The following CAPZA1 variants were observed in gnomAD, a reference collection of about 807,000 sequenced individuals.
The protein encoded by CAPZA1 is F-actin-capping protein subunit alpha-1.
A neutral mutation model predicts 40.8 loss-of-function variants in CAPZA1; 10 were observed. That is an observed-to-expected ratio of 0.25 (90% CI 0.15 to 0.42). The LOEUF is 0.42. Among genes scored for constraint, CAPZA1 ranks in the 10% least tolerant of loss-of-function variants. The pLI is 1.00. For missense variants in CAPZA1, 277 were observed against 353.8 expected (o/e 0.78, Z 1.74); for synonymous variants, 98 against 115.0 (o/e 0.85, Z 0.95).
chr1:112,640,694 C>T (rs1033216846), intron 1 of CAPZA1, among the ~76,000 whole-genome samples: 1 of 152,232 alleles, frequency 6.6e-6, no homozygotes, highest in Non-Finnish European at 1.5e-5. Flanking sequence ...AGCCCCTCTG[C>T]CTGGCCACCG....
At chr1:112,633,315 C>T (rs1388342468) in intron 1 of CAPZA1, among the ~76,000 whole-genome samples, 3 of 151,646 alleles carry the variant, frequency 2.0e-5, no homozygotes, top group Non-Finnish European at 1.5e-5. Context: ...TTAGATTCTG[C>T]ATATCTTATA....
At chr1:112,661,305 T>C (rs1671602969) in intron 7 of CAPZA1, among the ~76,000 whole-genome samples, 3 of 152,258 alleles carry the variant, frequency 2.0e-5, no homozygotes, top group African/African-American at 7.2e-5. Context: ...CTCAGTGATA[T>C]GTAAGAGTTG....
intron 1 of CAPZA1, among the ~76,000 whole-genome samples, chr1:112,644,168 A>G (rs1218120930): frequency 9.2e-6 from 1 of 108,248 alleles, no homozygotes; most frequent in Non-Finnish European, 1.9e-5. Context: ...TTTTTTTTCT[A>G]ATTCTCTTCT....
intron 1 of CAPZA1, among the ~76,000 whole-genome samples, chr1:112,638,440 G>A (rs886581247): frequency 9.9e-5 from 15 of 151,920 alleles, no homozygotes; most frequent in East Asian, 3.9e-4. Context: ...TCAGCCTCCC[G>A]AGTAGCTGGG....
intron 1 of CAPZA1, among the ~76,000 whole-genome samples, chr1:112,639,991 CGCCCCGTCCGGG>C: frequency 8.1e-6 from 1 of 124,214 alleles, no homozygotes; most frequent in African/African-American, 3.0e-5. Flanking sequence ...CCCGGCCAGC[CGCCCCGTCCGGG>C]AGGGAGGTGG....
chr1:112,663,852 C>CA (rs1671667182), intron 7 of CAPZA1, among the ~76,000 whole-genome samples: 1 of 152,050 alleles, frequency 6.6e-6, no homozygotes, highest in Non-Finnish European at 1.5e-5. Context: ...CTTAGAAAGC[C>CA]AAAAGGTAAA....
At chr1:112,636,892 CCA>C (rs1447236489) in intron 1 of CAPZA1, among the ~76,000 whole-genome samples, 1 of 152,146 alleles carries the variant, frequency 6.6e-6, no homozygotes, top group Non-Finnish European at 1.5e-5. Context: ...TAGCTTTGAC[CCA>C]GTTTTGAAGT....
intron 1 of CAPZA1, among the ~76,000 whole-genome samples, chr1:112,639,449 GT>G (rs1318111709): frequency 6.6e-6 from 1 of 152,162 alleles, no homozygotes; most frequent in Non-Finnish European, 1.5e-5. Context: ...GAAAATGGAA[GT>G]GAGCTTTTAG....
intron 8 of CAPZA1, among the ~76,000 whole-genome samples, chr1:112,668,059 G>A (rs549863311): frequency 1.2e-4 from 18 of 152,108 alleles, no homozygotes; most frequent in Non-Finnish European, 2.4e-4. Context: ...GTCGAGGCAG[G>A]TGAAAGCTTG....
chr1:112,631,172 CCTACTCTTTGTCTTTATCTTTAGTAT>C (rs1557727391), intron 1 of CAPZA1, among the ~76,000 whole-genome samples: 1 of 152,230 alleles, frequency 6.6e-6, no homozygotes, highest in African/African-American at 2.4e-5. Flanking sequence ...CTTTGACAAT[CCTACTCTTTGTCTTTATCTTTAGTAT>C]TCACCTCAGT....
intron 1 of CAPZA1, among the ~76,000 whole-genome samples, chr1:112,623,515 T>C (rs1183478317): frequency 3.3e-5 from 5 of 150,966 alleles, no homozygotes; most frequent in Admixed American, 2.6e-4. Flanking sequence ...ACCCCATCTC[T>C]ACTAAAAATA....
intron 6 of CAPZA1, 72 bp downstream of exon 6, chr1:112,659,173 C>T: frequency 1.0e-6 from 1 of 958,122 alleles, no homozygotes; most frequent in Non-Finnish European, 1.7e-6. Context: ...TTTAATCCAA[C>T]TAGCTTGGAA....
At chr1:112,652,499 T>G (rs1016135712) in intron 3 of CAPZA1, among the ~76,000 whole-genome samples, 3 of 149,188 alleles carry the variant, frequency 2.0e-5, no homozygotes, top group Non-Finnish European at 4.5e-5. Context: ...AAAAAAAAGC[T>G]TTAAATATTT....
intron 1 of CAPZA1, among the ~76,000 whole-genome samples, chr1:112,630,432 C>T (rs1048199302): frequency 2.6e-5 from 4 of 152,146 alleles, no homozygotes; most frequent in Admixed American, 6.5e-5. Context: ...CAACCTCCGT[C>T]CCCCAGGTTC....
chr1:112,631,672 T>C (rs1670919182), intron 1 of CAPZA1, among the ~76,000 whole-genome samples: 1 of 152,206 alleles, frequency 6.6e-6, no homozygotes, highest in African/African-American at 2.4e-5. Flanking sequence ...ACTTGACATC[T>C]ACATCATTGC....
At chr1:112,628,602 C>T (rs1670859696) in intron 1 of CAPZA1, among the ~76,000 whole-genome samples, 1 of 152,192 alleles carries the variant, frequency 6.6e-6, no homozygotes, top group Non-Finnish European at 1.5e-5. Context: ...ATGTACCCAA[C>T]ACCAAAACCA....
At chr1:112,665,281 A>G (rs1273480412) in intron 7 of CAPZA1, among the ~76,000 whole-genome samples, 6 of 151,114 alleles carry the variant, frequency 4.0e-5, no homozygotes, top group African/African-American at 1.5e-4. Flanking sequence ...GGTTCAAGCA[A>G]TTCTCCTGCC....
chr1:112,620,467 C>G (rs1438416669), intron 1 of CAPZA1: 1 of 152,286 alleles, frequency 6.6e-6, no homozygotes, highest in African/African-American at 2.4e-5. Context: ...GTCTGATTCG[C>G]TATAATAAAT....
intron 1 of CAPZA1, among the ~76,000 whole-genome samples, chr1:112,632,174 G>A (rs1232612348): frequency 6.6e-6 from 1 of 152,140 alleles, no homozygotes; most frequent in African/African-American, 2.4e-5. Flanking sequence ...GCCTGGTGGT[G>A]GGCGCCTGTA....
Sources: allele counts gnomAD v4.1 joint callset (sites outside exome capture counted in the v4.1 genomes callset), GRCh38; gene constraint gnomAD v4.1.1; transcripts MANE v1.5; gene names NCBI Gene and HGNC (gene_info 2026-07-23, HGNC 2026-07-21).